CRISP3: variants seen among roughly 807,000 people sequenced by gnomAD.
CRISP3 encodes cysteine rich secretory protein 3.
A neutral mutation model predicts 36.1 loss-of-function variants in CRISP3; 33 were observed. That is an observed-to-expected ratio of 0.91 (90% CI 0.69 to 1.22). The LOEUF is 1.22. Among genes scored for constraint, CRISP3 ranks in the 50% most tolerant of loss-of-function variants. The probability of loss-of-function intolerance (pLI) is 0.00; values close to 1 mark genes in which losing one functional copy is unlikely to be tolerated. For synonymous variants in CRISP3, 117 were observed against 104.6 expected (o/e 1.12, Z -0.72); for missense variants, 330 against 301.2 (o/e 1.10, Z -0.71).
rs556698013 is a variant in CRISP3, at chr6:49,728,538, T to G, written c.*192A>C. 2.9e-5 allele frequency: 12 copies of G among 409,656 alleles called. No individual in the cohort carries two copies. The highest frequency in any genetic ancestry group is 1.3e-3 in the Middle Eastern group (2 of 1,586). 25.4% of individuals were successfully genotyped at this position (409,656 alleles called of 1,614,324 possible). On this transcript the variant is annotated 3_prime_UTR_variant, in exon 8 of 8. Transcript: ENST00000263045. ...AGTTGTTGTTATAGATTTTGTTTCT[T>G]TTTAACCATTTGTATGAAAAATATT...
intron 1 of CRISP3, among the ~76,000 whole-genome samples, chr6:49,742,705 A>C (rs1289395032): frequency 6.6e-6 from 1 of 151,988 alleles, no homozygotes; most frequent in Non-Finnish European, 1.5e-5. Context: ...TTATCTTTTC[A>C]TATTAGTTAT....
At chr6:49,734,334 T>C (rs1217791943) in intron 4 of CRISP3, among the ~76,000 whole-genome samples, 1 of 152,192 alleles carries the variant, frequency 6.6e-6, no homozygotes, top group Non-Finnish European at 1.5e-5. Context: ...AAAAGTCTTA[T>C]GCTCAGTCTT....
intron 1 of CRISP3, among the ~76,000 whole-genome samples, chr6:49,738,783 C>T (rs1769124258): frequency 1.3e-5 from 2 of 152,126 alleles, no homozygotes; most frequent in South Asian, 4.1e-4. Flanking sequence ...TTGCAAAACC[C>T]ATTTTCATGC....
At chr6:49,738,419 C>T (rs1561909734) in intron 1 of CRISP3, among the ~76,000 whole-genome samples, 1 of 152,120 alleles carries the variant, frequency 6.6e-6, no homozygotes, top group Non-Finnish European at 1.5e-5. Context: ...GAAGCTTATG[C>T]TTCAGTGTTA....
rs1768794124 is a variant in CRISP3, at chr6:49,727,497, C to A, written c.*1233G>T. 1.3e-5 allele frequency: 2 copies of A among 152,024 alleles called. No individual in the cohort carries two copies. The highest frequency in any genetic ancestry group is 2.4e-5 in the African/African-American group (1 of 41,410). 9.4% of individuals were successfully genotyped at this position (152,024 alleles called of 1,614,324 possible). ...GTTTCAGTTTCTCTAACGTTATCAT[C>A]TTACATTACCCTGCTATATTTATCA... On this transcript the variant is annotated 3_prime_UTR_variant, in exon 8 of 8. Coordinates refer to ENST00000263045, the MANE Select transcript of CRISP3 (RefSeq NM_006061.4).
At chr6:49,731,934 G>A (rs1768927283) in intron 6 of CRISP3, among the ~76,000 whole-genome samples, 1 of 152,132 alleles carries the variant, frequency 6.6e-6, no homozygotes, top group Non-Finnish European at 1.5e-5. Context: ...TCTCCTCTGT[G>A]TGTTCATCTT....
At chr6:49,728,994 T>C in intron 7 of CRISP3, 137 bp from the exon 8 acceptor site, 1 of 683,518 alleles carries the variant, frequency 1.5e-6, no homozygotes, top group African/African-American at 1.8e-5. Context: ...GATGGCCATT[T>C]TATATCTTGA....
At chr6:49,734,071 T>G (rs1351635573) in intron 4 of CRISP3, among the ~76,000 whole-genome samples, 1 of 152,180 alleles carries the variant, frequency 6.6e-6, no homozygotes, top group Non-Finnish European at 1.5e-5. Context: ...GAGGCTGGTC[T>G]CAACATGCAA....
At chr6:49,741,498 A>G (rs1185095504) in intron 1 of CRISP3, among the ~76,000 whole-genome samples, 1 of 152,124 alleles carries the variant, frequency 6.6e-6, no homozygotes, top group Non-Finnish European at 1.5e-5. Context: ...TTATATGAGG[A>G]CTGCAAGAAT....
intron 4 of CRISP3, among the ~76,000 whole-genome samples, chr6:49,735,291 T>A (rs1212451516): frequency 6.6e-6 from 1 of 152,142 alleles, no homozygotes. Context: ...GGTAAAAATA[T>A]GATACTGTGT....
chr6:49,728,755 C>T lies in CRISP3; in HGVS notation c.752G>A (p.Cys251Tyr). ...TTAATAAATGCTGTTTGAACAATTG[C>T]AGGAGGCCTTGCAACTGTCCCTGAC... Reference protein sequence around the residue: ...QLVRDSCKASCNCSNSIY With the variant: ...QLVRDSCKASYNCSNSIY The change falls in exon 8 of 8, where the codon TGC becomes TAC. Residue 251 changes from cysteine to tyrosine, a missense_variant. Physicochemically the swap from Cys to Tyr is radical, Grantham distance 194. Transcript: ENST00000263045. 1 of 1,611,626 alleles carries T rather than the reference C, an allele frequency of 6.2e-7. No individual in the cohort carries two copies. The highest frequency in any genetic ancestry group is 1.1e-5 in the South Asian group (1 of 90,448).
At chr6:49,733,093 A>C in intron 6 of CRISP3, 102 bp downstream of exon 6, 1 of 598,098 alleles carries the variant, frequency 1.7e-6, no homozygotes, top group Non-Finnish European at 2.7e-6. Flanking sequence ...TCTAAAGATT[A>C]ATCTCCTTCA....
chr6:49,741,842 T>A (rs1269396643), intron 1 of CRISP3, among the ~76,000 whole-genome samples: 5 of 147,228 alleles, frequency 3.4e-5, no homozygotes, highest in East Asian at 3.9e-4. Flanking sequence ...TATATATATA[T>A]AATATATACA....
rs1230202174 is a variant in CRISP3, at chr6:49,728,649, T to C, written c.*81A>G. ...TGCCTACAATTTCTCAGCTAGTATATGTTAAATCTAAGTAGATGCCAAATC... is the reference window on the plus strand; with the variant it reads ...TGCCTACAATTTCTCAGCTAGTATACGTTAAATCTAAGTAGATGCCAAATC... On this transcript the variant is annotated 3_prime_UTR_variant, in exon 8 of 8. Transcript: ENST00000263045. 6.6e-6 allele frequency: 8 copies of C among 1,205,372 alleles called. No individual in the cohort carries two copies. Among genetic ancestry groups the C allele is most frequent in the African/African-American group, 1.5e-5 (1 of 64,542 alleles). 74.7% of individuals were successfully genotyped at this position (1,205,372 alleles called of 1,614,324 possible).
rs149146487 is a variant in CRISP3, at chr6:49,738,860, A to G, written c.38-1462T>C. Among the ~76,000 whole-genome samples the G allele has an allele frequency of 2.1e-3, 321 of 152,302 alleles. 1 individual carries two copies. The highest frequency in any genetic ancestry group is 7.5e-3 in the African/African-American group (310 of 41,572). Reference sequence around the variant, plus strand: ...CCCACAATCACCCCGCAAATATGGGACTTTGCTGGTATCCATTTGTATCAC... The same window carrying G: ...CCCACAATCACCCCGCAAATATGGGGCTTTGCTGGTATCCATTTGTATCAC... On this transcript the variant is annotated intron_variant, in intron 1 of 7. Transcript: ENST00000263045.
chr6:49,734,187 G>C (rs1768986134), intron 4 of CRISP3, among the ~76,000 whole-genome samples: 1 of 152,154 alleles, frequency 6.6e-6, no homozygotes, highest in Admixed American at 6.6e-5. Flanking sequence ...TGAGCTTTCA[G>C]CTTTGTAATG....
At chr6:49,739,246 T>G (rs1769139031) in intron 1 of CRISP3, among the ~76,000 whole-genome samples, 1 of 152,218 alleles carries the variant, frequency 6.6e-6, no homozygotes, top group African/African-American at 2.4e-5. Context: ...ATTCTTATTT[T>G]CATTTGTAAG....
chr6:49,741,101 A>C lies in CRISP3; in HGVS notation c.37+3230T>G, dbSNP rs535920487. Among the ~76,000 whole-genome samples the C allele has an allele frequency of 6.1e-5, 9 of 148,532 alleles. No homozygotes were observed. In the South Asian group the frequency reaches 1.1e-3, roughly 18 times the overall value. ...AGAGCGAGACTCCGTCTCAAAAAAA[A>C]CAAAAAACAAAAAACAAACAAACAA... On this transcript the variant is annotated intron_variant, in intron 1 of 7. Coordinates refer to ENST00000263045, the MANE Select transcript of CRISP3 (RefSeq NM_006061.4).
At chr6:49,741,358 A>G (rs1366557521) in intron 1 of CRISP3, among the ~76,000 whole-genome samples, 1 of 151,968 alleles carries the variant, frequency 6.6e-6, no homozygotes, top group African/African-American at 2.4e-5. Flanking sequence ...TCCGGGATTG[A>G]CTCATAAAAG....
Sources: allele counts gnomAD v4.1 joint callset (sites outside exome capture counted in the v4.1 genomes callset), GRCh38; gene constraint gnomAD v4.1.1; transcripts MANE v1.5; gene names NCBI Gene and HGNC (gene_info 2026-07-23, HGNC 2026-07-21).